Variants in MAST4 observed in about 807,000 individuals in gnomAD.
MAST4 encodes microtubule associated serine/threonine kinase family member 4.
In MAST4, 89 loss-of-function variants were observed where a neutral mutation model predicts 162.7. The observed-to-expected ratio is 0.55, with a 90% CI of 0.46 to 0.65. The LOEUF (loss-of-function observed/expected upper bound fraction) is 0.65, where lower values mean the gene tolerates loss of function less well. Ranked by LOEUF, MAST4 falls within the 30% of genes least tolerant of loss-of-function variation. MAST4 has a pLI of 0.00. For synonymous variants in MAST4, 1,479 were observed against 1,361.1 expected (o/e 1.09, Z -1.91); for missense variants, 3,153 against 3,374.0 (o/e 0.93, Z 1.62).
rs781591553 is a variant in MAST4, at chr5:67,164,357, G to A, written c.5178G>A (p.Thr1726=). The A allele has an allele frequency of 8.7e-6, 14 of 1,613,896 alleles. No individual in the cohort carries two copies. In the South Asian group the frequency reaches 1.2e-4, roughly 14 times the overall value. Residue 1726 remains threonine, a synonymous_variant, in exon 29 of 29, where the codon ACG becomes ACA. Coordinates refer to ENST00000403625, the MANE Select transcript of MAST4 (RefSeq NM_001164664.2). The surrounding 1 kb of genome is among the most constrained non-coding windows in gnomAD (Gnocchi z 5.3). ...ECLPGNPVRP[T]GGQQEPPPAS... ...TGCCAGGGAACCCAGTCCGACCCACGGGTGGGCAGCAGGAGCCCCCGCCGG... is the reference window on the plus strand; with the variant it reads ...TGCCAGGGAACCCAGTCCGACCCACAGGTGGGCAGCAGGAGCCCCCGCCGG...
chr5:67,069,349 T>A (rs1760648328), intron 5 of MAST4, among the ~76,000 whole-genome samples: 1 of 146,974 alleles, frequency 6.8e-6, no homozygotes, highest in Admixed American at 6.8e-5. Flanking sequence ...TGTACCTTCA[T>A]ATTTCTAGTT....
Position 67,121,056 on chromosome 5 carries a change from G to T in MAST4, c.1699G>T (p.Glu567Ter). 1 of 1,611,446 alleles carries T rather than the reference G, an allele frequency of 6.2e-7. No individual in the cohort carries two copies. The highest frequency in any genetic ancestry group is 8.5e-7 in the Non-Finnish European group (1 of 1,178,844). ...CCTGAAACTTCGAAGGAAACCTCGG[G>T]AAAGTGATTTTGAAACGATTAAATT... is the stretch of plus-strand genomic sequence containing the variant. ...ASLKLRRKPR[E>*]SDFETIKLIS... Residue 567 changes from glutamate (E) to a stop codon, truncating the protein, a stop_gained, in exon 14 of 29, where the codon GAA (glutamate) becomes TAA (stop). Transcript: ENST00000403625. LOFTEE classifies it high-confidence loss of function.
At chr5:66,957,040 T>C (rs1392230942) in intron 4 of MAST4, among the ~76,000 whole-genome samples, 3 of 152,066 alleles carry the variant, frequency 2.0e-5, no homozygotes, top group African/African-American at 7.2e-5. Flanking sequence ...AAATTAGGGG[T>C]AGTAAAAGGA....
chr5:67,041,794 A>G (rs1756777453), intron 4 of MAST4, among the ~76,000 whole-genome samples: 1 of 152,104 alleles, frequency 6.6e-6, no homozygotes, highest in Non-Finnish European at 1.5e-5. Context: ...ACACCCAGCT[A>G]ATTTTTGTAT....
At chr5:67,147,774 T>C (rs1365756815) in intron 23 of MAST4, among the ~76,000 whole-genome samples, 1 of 152,262 alleles carries the variant, frequency 6.6e-6, no homozygotes, top group Non-Finnish European at 1.5e-5. Flanking sequence ...AGCTGATTTC[T>C]GTAAGAGAAT....
At chr5:66,784,873 T>C (rs1755040547) in intron 2 of MAST4, among the ~76,000 whole-genome samples, 2 of 152,284 alleles carry the variant, frequency 1.3e-5, no homozygotes, top group African/African-American at 4.8e-5. Flanking sequence ...ATGGGAATAT[T>C]GGGGGCTTGG....
chr5:67,073,223 C>T (rs1028319656), intron 5 of MAST4, among the ~76,000 whole-genome samples: 2 of 152,170 alleles, frequency 1.3e-5, no homozygotes, highest in African/African-American at 2.4e-5. Flanking sequence ...TCCTGCTGCT[C>T]CTGTTCTCTG....
intron 1 of MAST4, among the ~76,000 whole-genome samples, chr5:66,726,873 C>T (rs1751555586): frequency 6.6e-6 from 1 of 152,052 alleles, no homozygotes; most frequent in Non-Finnish European, 1.5e-5. Context: ...GAAAAATTGT[C>T]TTCCATGAAA....
rs555595442 is a variant in MAST4 at position 66,744,892 on chromosome 5, T to G, written c.364-14817T>G. On this transcript the variant is annotated intron_variant, in intron 1 of 28. Coordinates refer to ENST00000403625, the MANE Select transcript of MAST4 (RefSeq NM_001164664.2). Reference sequence around the variant, plus strand: ...TTATTTTAAAGCTTTTTCCAGAAACTTGTATAAAGTTTATTTTTGGCTTCG... The same window carrying G: ...TTATTTTAAAGCTTTTTCCAGAAACGTGTATAAAGTTTATTTTTGGCTTCG... 2.6e-5 allele frequency among the ~76,000 whole-genome samples: 4 copies of G among 152,072 alleles called. No homozygotes were observed. The South Asian group carries it at 8.4e-4, about 32-fold the overall frequency.
In MAST4 at chr5:66,873,632, C is replaced by T. The variant is rs141128586; in HGVS notation, c.643-26319C>T. 1.6e-4 allele frequency among the ~76,000 whole-genome samples: 25 copies of T among 152,312 alleles called. No homozygotes were observed. In the East Asian group the frequency reaches 3.7e-3, roughly 22 times the overall value. ...TGTTAGGCTTTGTCATTAACCAGCT[C>T]TGTGGACTTGGGTGATCATTTAACA... On this transcript the variant is annotated intron_variant, in intron 3 of 28. Transcript: ENST00000403625.
chr5:66,862,372 A>G (rs12657494), intron 3 of MAST4, among the ~76,000 whole-genome samples: 6,063 of 152,302 alleles, frequency 0.04, 235 homozygotes, highest in South Asian at 0.15. Flanking sequence ...CTGAAGGGAC[A>G]TAAGTGGGCT....
chr5:66,789,639 A>G, intron 3 of MAST4: 1 of 488,764 alleles, frequency 2.0e-6, no homozygotes, highest in Non-Finnish European at 4.1e-6. Flanking sequence ...CTCTTAAGGA[A>G]TGAGGTCTGG....
chr5:67,049,011 ATATATATATACG>A (rs1470440628), intron 4 of MAST4, among the ~76,000 whole-genome samples: 1 of 132,714 alleles, frequency 7.5e-6, no homozygotes, highest in Non-Finnish European at 1.6e-5. Context: ...ACACACACAT[ATATATATATACG>A]TATATATATA....
intron 14 of MAST4, among the ~76,000 whole-genome samples, chr5:67,126,908 TCTTA>T (rs1282939896): frequency 6.6e-6 from 1 of 152,230 alleles, no homozygotes; most frequent in Non-Finnish European, 1.5e-5. Flanking sequence ...TTGTGTCCTC[TCTTA>T]CTTCCTTGAG....
chr5:67,149,608 C>T lies in MAST4; in HGVS notation c.3295+19C>T, dbSNP rs1771552269. ...CCAGGAGGTAGAGAGATACTACTTGCATGAAATTGTGTGATTTGTGCATGT... is the reference window on the plus strand; with the variant it reads ...CCAGGAGGTAGAGAGATACTACTTGTATGAAATTGTGTGATTTGTGCATGT... On this transcript the variant is annotated intron_variant, in intron 24 of 28. Coordinates refer to ENST00000403625, the MANE Select transcript of MAST4 (RefSeq NM_001164664.2). 1 of 1,609,376 alleles carries T rather than the reference C, an allele frequency of 6.2e-7. No individual in the cohort carries two copies. Among genetic ancestry groups the T allele is most frequent in the South Asian group, 1.1e-5 (1 of 90,242 alleles).
At chr5:66,672,933 C>G (rs1226855309) in intron 1 of MAST4, among the ~76,000 whole-genome samples, 2 of 152,196 alleles carry the variant, frequency 1.3e-5, no homozygotes, top group African/African-American at 4.8e-5. Flanking sequence ...TTCCCTGTCC[C>G]CCACATCCCT....
In MAST4 at chr5:67,163,254, G is replaced by A. The variant is rs746603303; in HGVS notation, c.4075G>A (p.Gly1359Ser). Residue 1359 changes from glycine (G) to serine (S), a missense_variant, in exon 29 of 29, where the codon GGC (glycine) becomes AGC (serine). Transcript: ENST00000403625. The surrounding 1 kb of genome is among the most constrained non-coding windows in gnomAD (Gnocchi z 7.0). ...TCTCCACGGTCTTGCACCCAAACTC[G>A]GCGGGCAGCGGTACCGGTCCGGAAG... is the stretch of plus-strand genomic sequence containing the variant. ...STLHGLAPKL[G>S]GQRYRSGRRK... 3.5e-5 allele frequency: 57 copies of A among 1,613,358 alleles called. No homozygotes were observed. The highest frequency in any genetic ancestry group is 4.8e-5 in the Non-Finnish European group (57 of 1,179,884).
At chr5:66,687,182 A>G (rs1192493153) in intron 1 of MAST4, among the ~76,000 whole-genome samples, 1 of 152,178 alleles carries the variant, frequency 6.6e-6, no homozygotes, top group Admixed American at 6.5e-5. Context: ...CCATCACCCG[A>G]ATAGTGAACA....
At chr5:67,016,627 C>T (rs1347845599) in intron 4 of MAST4, among the ~76,000 whole-genome samples, 4 of 152,140 alleles carry the variant, frequency 2.6e-5, no homozygotes, top group Non-Finnish European at 4.4e-5. Context: ...CTGTAATTTC[C>T]TCATCTTAAA....
Sources: allele counts gnomAD v4.1 joint callset (sites outside exome capture counted in the v4.1 genomes callset), GRCh38; gene constraint gnomAD v4.1.1; non-coding constraint Gnocchi (gnomAD v3.1); transcripts MANE v1.5; gene names NCBI Gene and HGNC (gene_info 2026-07-23, HGNC 2026-07-21).